The following KCNH8 variants were observed in gnomAD, a reference collection of about 807,000 sequenced individuals.
The protein encoded by KCNH8 is voltage-gated delayed rectifier potassium channel KCNH8.
In KCNH8, 70 loss-of-function variants were observed where a neutral mutation model predicts 103.6. That is an observed-to-expected ratio of 0.68 (90% CI 0.56 to 0.82). The LOEUF is 0.82. KCNH8 is among the 40% of genes least tolerant of loss of function. The pLI is 0.00. For synonymous variants in KCNH8, 498 were observed against 489.4 expected (o/e 1.02, Z -0.23); for missense variants, 1,217 against 1,329.9 (o/e 0.92, Z 1.32).
intron 3 of KCNH8, among the ~76,000 whole-genome samples, chr3:19,322,739 C>T (rs1209381611): frequency 1.3e-5 from 2 of 152,166 alleles, no homozygotes; most frequent in African/African-American, 4.8e-5. Context: ...GTATCTAGAT[C>T]TCTAGCAAGG....
chr3:19,309,033 T>C (rs2065177108), intron 3 of KCNH8, among the ~76,000 whole-genome samples: 1 of 151,738 alleles, frequency 6.6e-6, no homozygotes, highest in Admixed American at 6.6e-5. Context: ...AGTGCTCAAG[T>C]GGAATCAGAA....
In KCNH8 at chr3:19,533,501, C is replaced by T; in HGVS notation, c.2726C>T (p.Ser909Phe). ...LSPQQPSRFC[S>F]LHSTSVCPSR... ...CCTCAGCAGCCATCACGGTTTTGCT[C>T]TTTGCACAGCACCTCTGTGTGTCCC... Residue 909 changes from serine to phenylalanine, a missense_variant, in exon 16 of 16, where the codon TCT (serine) becomes TTT (phenylalanine). Physicochemically the swap from Ser to Phe is radical, Grantham distance 155 (BLOSUM62 -2). This residue lies in a region of KCNH8 where 558 missense variants were observed against 495.8 expected (regional missense o/e 1.13). Transcript: ENST00000328405. 1 of 1,614,178 alleles carries T rather than the reference C, an allele frequency of 6.2e-7. No homozygotes were observed. The highest frequency in any genetic ancestry group is 8.5e-7 in the Non-Finnish European group (1 of 1,180,022).
At chr3:19,153,930 C>A (rs902750995) in intron 1 of KCNH8, among the ~76,000 whole-genome samples, 28 of 152,158 alleles carry the variant, frequency 1.8e-4, no homozygotes, top group Non-Finnish European at 2.8e-4. Flanking sequence ...CTGCACCTGG[C>A]CCAATCATTT....
At chr3:19,347,366 A>G (rs1219938944) in intron 4 of KCNH8, among the ~76,000 whole-genome samples, 1 of 152,158 alleles carries the variant, frequency 6.6e-6, no homozygotes, top group African/African-American at 2.4e-5. Context: ...GAATGTTCTC[A>G]TGACAATAGG....
intron 5 of KCNH8, among the ~76,000 whole-genome samples, chr3:19,355,945 T>C (rs1267678100): frequency 2.0e-5 from 3 of 151,680 alleles, no homozygotes; most frequent in Admixed American, 6.6e-5. Context: ...ATATTTAACA[T>C]ACTGTTTATT....
At chr3:19,300,049 G>T (rs780627105) in intron 3 of KCNH8, among the ~76,000 whole-genome samples, 2 of 152,154 alleles carry the variant, frequency 1.3e-5, no homozygotes, top group African/African-American at 4.8e-5. Flanking sequence ...AGGGGTTCGA[G>T]ACCAGCCTGG....
At chr3:19,302,337 G>A (rs2125290313) in intron 3 of KCNH8, among the ~76,000 whole-genome samples, 1 of 152,288 alleles carries the variant, frequency 6.6e-6, no homozygotes, top group Non-Finnish European at 1.5e-5. Context: ...AGGAACCAGA[G>A]AGGAAGACCA....
intron 11 of KCNH8, among the ~76,000 whole-genome samples, chr3:19,478,200 T>C (rs1050417200): frequency 7.2e-5 from 11 of 152,156 alleles, no homozygotes; most frequent in Non-Finnish European, 1.2e-4. Flanking sequence ...GAATTCTAGA[T>C]TGATTCCATA....
intron 11 of KCNH8, among the ~76,000 whole-genome samples, chr3:19,489,991 G>T (rs1408670786): frequency 6.6e-6 from 1 of 152,176 alleles, no homozygotes; most frequent in Non-Finnish European, 1.5e-5. Context: ...GACTCCAAGT[G>T]CCAGTTCCTT....
At chr3:19,263,048 A>G (rs974505589) in intron 2 of KCNH8, among the ~76,000 whole-genome samples, 1 of 152,064 alleles carries the variant, frequency 6.6e-6, no homozygotes, top group Non-Finnish European at 1.5e-5. Context: ...TTAGGCTTAT[A>G]TAAATGGTAG....
chr3:19,231,105 T>C (rs1000589105), intron 1 of KCNH8, among the ~76,000 whole-genome samples: 13 of 152,142 alleles, frequency 8.5e-5, no homozygotes, highest in Non-Finnish European at 1.9e-4. Flanking sequence ...AATAACATGA[T>C]GTTAAAAATG....
intron 5 of KCNH8, among the ~76,000 whole-genome samples, chr3:19,367,487 A>ATATAT (rs2066029744): frequency 6.7e-6 from 1 of 148,336 alleles, no homozygotes; most frequent in African/African-American, 2.5e-5. Context: ...TATCAGAAAT[A>ATATAT]AACTTTGAGC....
At chr3:19,176,676 AT>A (rs1262449258) in intron 1 of KCNH8, among the ~76,000 whole-genome samples, 3 of 152,132 alleles carry the variant, frequency 2.0e-5, no homozygotes, top group Non-Finnish European at 4.4e-5. Flanking sequence ...CTTTTCTGAC[AT>A]TACCTATCTT....
intron 1 of KCNH8, among the ~76,000 whole-genome samples, chr3:19,156,738 C>T (rs1431227490): frequency 1.3e-5 from 2 of 151,980 alleles, no homozygotes; most frequent in Non-Finnish European, 2.9e-5. Flanking sequence ...TGAAGATATT[C>T]TAATTCTCAT....
At chr3:19,376,335 G>A (rs1398051326) in intron 5 of KCNH8, among the ~76,000 whole-genome samples, 2 of 152,242 alleles carry the variant, frequency 1.3e-5, no homozygotes, top group East Asian at 1.9e-4. Context: ...GAAAAGCGCA[G>A]TATTCGGGTA....
At position 19,502,443 on chromosome 3, in the gene KCNH8, G is replaced by A. The variant is rs1417356537; in HGVS notation, c.2041-7920G>A. ...ACTACTTTAAAGTTCATATGGAACC[G>A]AAAAAGAGCCCGCATCGCCAAGTCA... On this transcript the variant is annotated intron_variant, in intron 11 of 15. Coordinates refer to ENST00000328405, the MANE Select transcript of KCNH8 (RefSeq NM_144633.3). Among the ~76,000 whole-genome samples the A allele has an allele frequency of 6.6e-4, 101 of 151,910 alleles. 1 individual carries two copies. The East Asian group carries it at 8.7e-3, about 13-fold the overall frequency.
intron 1 of KCNH8, among the ~76,000 whole-genome samples, chr3:19,169,530 G>A (rs1020914542): frequency 6.6e-6 from 1 of 152,154 alleles, no homozygotes; most frequent in South Asian, 2.1e-4. Context: ...ACAGGCGTGA[G>A]CCACCGCGCC....
chr3:19,305,764 A>G (rs1223111621), intron 3 of KCNH8, among the ~76,000 whole-genome samples: 2 of 152,106 alleles, frequency 1.3e-5, no homozygotes, highest in South Asian at 2.1e-4. Context: ...TATTTATCAG[A>G]CACCAATGGC....
intron 11 of KCNH8, among the ~76,000 whole-genome samples, chr3:19,509,273 A>C (rs1382701794): frequency 6.6e-6 from 1 of 152,218 alleles, no homozygotes; most frequent in Non-Finnish European, 1.5e-5. Context: ...GTATAAATAT[A>C]ACAGATCTAT....
Sources: allele counts gnomAD v4.1 joint callset (sites outside exome capture counted in the v4.1 genomes callset), GRCh38; gene constraint gnomAD v4.1.1; regional missense constraint gnomAD v4.1.1; transcripts MANE v1.5; gene names NCBI Gene and HGNC (gene_info 2026-07-23, HGNC 2026-07-21).